Variants in C22orf42 observed in about 807,000 individuals in gnomAD.
C22orf42 encodes chromosome 22 open reading frame 42, also known as uncharacterized protein C22orf42.
In C22orf42, 24 loss-of-function variants were observed where a neutral mutation model predicts 31.4. That is an observed-to-expected ratio of 0.77 (90% CI 0.55 to 1.08). The LOEUF (loss-of-function observed/expected upper bound fraction) is 1.08, where lower values mean the gene tolerates loss of function less well. Ranked by LOEUF, C22orf42 falls within the 50% of genes least tolerant of loss-of-function variation. The pLI is 0.00. For missense variants in C22orf42, 276 were observed against 327.3 expected, an observed-to-expected ratio of 0.84 and a Z score of 1.21; for synonymous variants, 96 against 112.7, an observed-to-expected ratio of 0.85 and a Z score of 0.94.
At position 32,159,160 on chromosome 22, in the gene C22orf42, C is replaced by T. The variant is rs768133299; in HGVS notation, c.56G>A (p.Cys19Tyr). The T allele has an allele frequency of 8.7e-6, 14 of 1,614,180 alleles. No homozygotes were observed. The African/African-American group carries it at 1.1e-4, about 12-fold the overall frequency. ...LGPSGGLNCD[C>Y]CRPDVGPCHE... ...GCAGGGTCCCACATCTGGCCTGCAG[C>T]AGTCACAGTTGAGGCCCCCGCTGGG... Residue 19 changes from cysteine (C) to tyrosine (Y), a missense_variant, in exon 1 of 9, where the codon TGC becomes TAC. Coordinates refer to ENST00000382097, the MANE Select transcript of C22orf42 (RefSeq NM_001010859.3).
At chr22:32,150,066 T>A in intron 7 of C22orf42, 1 of 552,078 alleles carries the variant, frequency 1.8e-6, no homozygotes, top group Non-Finnish European at 3.3e-6. Flanking sequence ...GATGCGCTCA[T>A]TTTTGACTAC....
At chr22:32,149,667 A>ATC (rs1267719376) in intron 8 of C22orf42, 54 bp from the exon 9 acceptor site, 39 of 1,236,742 alleles carry the variant, frequency 3.2e-5, no homozygotes, top group Admixed American at 6.4e-5. Context: ...ATATATATAT[A>ATC]TCTACATATA....
chr22:32,156,687 T>G lies in C22orf42; in HGVS notation c.232+2297A>C, dbSNP rs1247757572. Reference sequence around the variant, plus strand: ...ATCACTCCATAGCAGTAAAATGACATCTTACCCTTGTTTACAGCTCCATAG... The same window carrying G: ...ATCACTCCATAGCAGTAAAATGACAGCTTACCCTTGTTTACAGCTCCATAG... On this transcript the variant is annotated intron_variant, in intron 1 of 8. Coordinates refer to ENST00000382097, the MANE Select transcript of C22orf42 (RefSeq NM_001010859.3). 2.9e-5 allele frequency among the ~76,000 whole-genome samples: 4 copies of G among 140,196 alleles called. No individual in the cohort carries two copies. The Admixed American group carries it at 3.0e-4, about 10-fold the overall frequency. The allele number at this position is 140,196 out of a possible 152,430, so 92.0% of individuals were successfully genotyped here. A position where few individuals can be genotyped will look rare whatever the true frequency, so the allele number is the denominator to read the frequency against.
intron 3 of C22orf42, 83 bp from the exon 4 acceptor site, chr22:32,152,177 G>A: frequency 1.3e-6 from 2 of 1,503,756 alleles, no homozygotes; most frequent in Non-Finnish European, 9.0e-7. Context: ...TATTCACTTG[G>A]TGAAATAAAA....
At chr22:32,152,656 A>T (rs563004741) in intron 2 of C22orf42, 30 bp from the exon 3 acceptor site, 1 of 1,606,938 alleles carries the variant, frequency 6.2e-7, no homozygotes, top group African/African-American at 1.3e-5. Flanking sequence ...CAGTCAGTGC[A>T]TTGGTGCTGC....
upstream of C22orf42, chr22:32,160,332 T>C (rs1017800102): frequency 3.9e-5 from 6 of 152,038 alleles, no homozygotes; most frequent in Non-Finnish European, 7.3e-5. Flanking sequence ...AGTTTTTTGA[T>C]GTGAATTTTA....
At chr22:32,160,124 C>T (rs528287336), upstream of C22orf42, 9 of 152,252 alleles carry the variant, frequency 5.9e-5, no homozygotes, top group South Asian at 8.3e-4. Flanking sequence ...TTCCATTTTA[C>T]GGATTTTGCA....
At chr22:32,158,532 G>A (rs180777491) in intron 1 of C22orf42, among the ~76,000 whole-genome samples, 1 of 152,232 alleles carries the variant, frequency 6.6e-6, no homozygotes, top group East Asian at 1.9e-4. Flanking sequence ...CATCTATTAA[G>A]AATACCATAT....
chr22:32,154,299 C>T lies in C22orf42; in HGVS notation c.252G>A (p.Lys84=), dbSNP rs1174873214. 1.1e-5 allele frequency: 17 copies of T among 1,612,794 alleles called. No homozygotes were observed. The highest frequency in any genetic ancestry group is 1.4e-5 in the Non-Finnish European group (16 of 1,179,562). Residue 84 remains lysine (K), a synonymous_variant, in exon 2 of 9, where the codon AAG becomes AAA. Coordinates refer to ENST00000382097, the MANE Select transcript of C22orf42 (RefSeq NM_001010859.3). ...KMSKGLDARS[K]RWLKIIWRRH... is the part of the protein sequence containing the mutation. ...GTCTCCATATTATTTTTAACCAGCG[C>T]TTGGAGCGGGCGTCCAAACCTGCAA...
At chr22:32,150,012 A>G in intron 7 of C22orf42, 2 of 477,498 alleles carry the variant, frequency 4.2e-6, no homozygotes, top group Non-Finnish European at 3.8e-6. Context: ...AAGAAGAAAA[A>G]GTTGCTACTG....
intron 5 of C22orf42, 109 bp downstream of exon 5, chr22:32,151,378 A>G: frequency 1.8e-6 from 2 of 1,140,462 alleles, no homozygotes; most frequent in South Asian, 1.4e-5. Flanking sequence ...AGTCCATGAC[A>G]CTGAGGCCTG....
intron 7 of C22orf42, chr22:32,149,984 A>T: frequency 2.0e-6 from 1 of 489,350 alleles, no homozygotes; most frequent in South Asian, 4.3e-5. Flanking sequence ...TTGGCTGGCA[A>T]ACACAAAATT....
chr22:32,154,852 G>A (rs1359612492), intron 1 of C22orf42, among the ~76,000 whole-genome samples: 1 of 152,240 alleles, frequency 6.6e-6, no homozygotes, highest in African/African-American at 2.4e-5. Context: ...ATACTTGGTA[G>A]TGGTTGAATA....
intron 1 of C22orf42, among the ~76,000 whole-genome samples, chr22:32,156,472 C>T (rs995152390): frequency 4.3e-4 from 61 of 141,780 alleles, no homozygotes; most frequent in African/African-American, 1.6e-3. Flanking sequence ...AGCAAAATAA[C>T]ATTTTGAGAA....
chr22:32,152,040 A>G (rs771618458), intron 4 of C22orf42, 27 bp downstream of exon 4: 1 of 1,590,672 alleles, frequency 6.3e-7, no homozygotes, highest in Non-Finnish European at 8.6e-7. Context: ...ACATGTAAAT[A>G]AAGCTGTTTA....
At chr22:32,158,954 G>A (rs1325928684) in intron 1 of C22orf42, 30 bp downstream of exon 1, 1 of 1,613,134 alleles carries the variant, frequency 6.2e-7, no homozygotes, top group Admixed American at 1.7e-5. Flanking sequence ...AGAGATGCCA[G>A]AGAGCAAATG....
chr22:32,151,752 TC>T (rs1398743347), intron 4 of C22orf42, among the ~76,000 whole-genome samples: 33 of 152,270 alleles, frequency 2.2e-4, no homozygotes, highest in African/African-American at 7.5e-4. Flanking sequence ...GCCTTGGCTT[TC>T]CAGCTAGGGC....
In C22orf42 at chr22:32,149,951, A is replaced by C. The variant is rs561761392; in HGVS notation, c.655-171T>G. ...TGTGTGGAAAAGGCAATGGGTTTTC[A>C]TGGAATATTTAGTAAGTCCATGTTG... On this transcript the variant is annotated intron_variant, in intron 7 of 8. Coordinates refer to ENST00000382097, the MANE Select transcript of C22orf42 (RefSeq NM_001010859.3). 30 of 539,896 alleles carry C rather than the reference A, an allele frequency of 5.6e-5. No homozygotes were observed. The South Asian group carries it at 1.2e-3, about 21-fold the overall frequency. 33.4% of individuals were successfully genotyped at this position (539,896 alleles called of 1,614,324 possible).
Position 32,149,620 on chromosome 22 carries a change from GA to G in C22orf42, c.683-8del. The G allele has an allele frequency of 6.8e-7, 1 of 1,462,254 alleles. No individual in the cohort carries two copies. The highest frequency in any genetic ancestry group is 9.1e-7 in the Non-Finnish European group (1 of 1,099,808). 90.6% of individuals were successfully genotyped at this position (1,462,254 alleles called of 1,614,324 possible). ...CGTGCCATCTTAACCCAGCCTAGGG[GA>G]AAAGAACAAGACTTCATCTCAAAAA... is the stretch of plus-strand genomic sequence containing the variant. On this transcript the variant is annotated splice_polypyrimidine_tract_variant and splice_region_variant and intron_variant, in intron 8 of 8. Transcript: ENST00000382097.
Sources: gnomAD v4.1 joint callset for allele counts (sites outside exome capture counted in the v4.1 genomes callset) on GRCh38, gnomAD v4.1.1 for gene constraint, MANE v1.5 for transcripts, NCBI Gene and HGNC (gene_info 2026-07-23, HGNC 2026-07-21) for gene names.